The following BET1 variants were observed in gnomAD, a reference collection of about 807,000 sequenced individuals.
BET1 encodes BET1 homolog.
BET1 carries 9 observed loss-of-function variants against 13.9 expected under a neutral mutation model. That is an observed-to-expected ratio of 0.65 (90% CI 0.39 to 1.13). The LOEUF (loss-of-function observed/expected upper bound fraction) is 1.13, where lower values mean the gene tolerates loss of function less well. Among genes scored for constraint, BET1 ranks in the 50% most tolerant of loss-of-function variants. The pLI, the probability that BET1 is intolerant of heterozygous loss-of-function variation, is 0.01. For missense variants in BET1, 127 were observed against 133.6 expected, an observed-to-expected ratio of 0.95 and a Z score of 0.24; for synonymous variants, 39 against 47.3, an observed-to-expected ratio of 0.82 and a Z score of 0.72.
rs1226283124 is a variant in BET1, at chr7:93,996,297, C to G, written c.169G>C (p.Val57Leu). The change falls in exon 3 of 4, where the codon GTT becomes CTT. Residue 57 changes from valine to leucine, a missense_variant. By Grantham distance (32) the Val-to-Leu change is conservative. Coordinates refer to ENST00000222547, the MANE Select transcript of BET1 (RefSeq NM_005868.6). Reference sequence around the variant, plus strand: ...GCTAATAATTTATTCTGGGTTTTAACTTCATGGCCTATTTCAATGGAAAGC... The same window carrying G: ...GCTAATAATTTATTCTGGGTTTTAAGTTCATGGCCTATTTCAATGGAAAGC... ...KSLSIEIGHE[V>L]KTQNKLLAEM... is the part of the protein sequence containing the mutation. The G allele has an allele frequency of 1.1e-5, 17 of 1,578,934 alleles. No homozygotes were observed. The highest frequency in any genetic ancestry group is 1.5e-5 in the Non-Finnish European group (17 of 1,160,356).
chr7:93,986,048 A>G (rs1256079507), intron 4 of BET1, among the ~76,000 whole-genome samples: 1 of 152,146 alleles, frequency 6.6e-6, no homozygotes, highest in African/African-American at 2.4e-5. Flanking sequence ...TTATCGTCTC[A>G]GCTAAAGTTA....
intron 1 of BET1, among the ~76,000 whole-genome samples, chr7:94,003,725 A>G (rs1348414361): frequency 6.6e-6 from 1 of 152,130 alleles, no homozygotes; most frequent in African/African-American, 2.4e-5. Context: ...AACAATAATG[A>G]CACATACATT....
Position 93,971,822 on chromosome 7 carries a change from T to G in BET1, c.*137+753A>C, listed in dbSNP as rs544144737. 2.0e-5 allele frequency among the ~76,000 whole-genome samples: 3 copies of G among 151,860 alleles called. No homozygotes were observed. In the East Asian group the frequency reaches 5.8e-4, roughly 29 times the overall value. On this transcript the variant is annotated intron_variant and NMD_transcript_variant, in intron 6 of 6. Coordinates refer to the BET1 transcript ENST00000357520. ...CTAATGAGATTTAACTAAGAAAGTT[T>G]AAATTATATGGTAACTTTCCATGAA...
Position 93,999,217 on chromosome 7 carries a change from C to A in BET1, c.97G>T (p.Glu33Ter). The change falls in exon 2 of 4, where the codon GAG becomes TAG. Residue 33 changes from glutamate (E) to a stop codon, truncating the protein, a stop_gained. Transcript: ENST00000222547. LOFTEE classifies it high-confidence loss of function. ...SGYSACEEENERLTESLRSKV... is the reference protein window; with the variant it reads ...SGYSACEEEN ...CTTCTCAGACTTTCAGTGAGCCTCT[C>A]ATTTTCTTCTTCACAGGCACTATAC... The A allele has an allele frequency of 6.2e-7, 1 of 1,613,422 alleles. No homozygotes were observed. The highest frequency in any genetic ancestry group is 8.5e-7 in the Non-Finnish European group (1 of 1,179,558).
At chr7:93,972,938 ACAGCC>A (rs1795281201) in intron 5 of BET1, among the ~76,000 whole-genome samples, 1 of 151,656 alleles carries the variant, frequency 6.6e-6, no homozygotes, top group East Asian at 1.9e-4. Flanking sequence ...CTACTGCAAG[ACAGCC>A]TTATCTTCTG....
chr7:93,973,206 G>C (rs1424452100), intron 5 of BET1, among the ~76,000 whole-genome samples: 2 of 151,900 alleles, frequency 1.3e-5, no homozygotes, highest in Admixed American at 1.3e-4. Context: ...CTTCACATGT[G>C]GGATGAAAGA....
downstream of BET1, chr7:93,992,787 T>C (rs958774092): frequency 1.1e-6 from 1 of 905,256 alleles, no homozygotes; most frequent in Admixed American, 6.2e-5. Context: ...TCCTATGAAA[T>C]AGATGGTGTA....
chr7:93,981,206 A>G (rs892948140), intron 4 of BET1, among the ~76,000 whole-genome samples: 6 of 152,062 alleles, frequency 3.9e-5, no homozygotes, highest in African/African-American at 1.2e-4. Flanking sequence ...ACAGTGACCA[A>G]CTCTTCCTGG....
At chr7:93,992,279 A>G (rs1394288833), downstream of BET1, 1 of 985,144 alleles carries the variant, frequency 1.0e-6, no homozygotes, top group Non-Finnish European at 1.2e-6. Context: ...TGAAATCTCT[A>G]TCTGCTTGAT....
chr7:93,979,151 G>C (rs2116059896), intron 4 of BET1, among the ~76,000 whole-genome samples: 1 of 152,250 alleles, frequency 6.6e-6, no homozygotes, highest in Non-Finnish European at 1.5e-5. Context: ...TGGCTTTCAG[G>C]AAGACAGGAA....
At chr7:93,976,015 T>G in exon 5 of BET1, 1 of 1,281,356 alleles carries the variant, frequency 7.8e-7, no homozygotes, top group South Asian at 1.3e-5. Context: ...TTTTTAAGCT[T>G]CTGGACAAAT....
At chr7:93,999,098 AATAT>A in intron 2 of BET1, 68 bp downstream of exon 2, 1 of 1,210,668 alleles carries the variant, frequency 8.3e-7, no homozygotes, top group Non-Finnish European at 1.1e-6. Flanking sequence ...CGTCAATAAG[AATAT>A]ATAGTTTATA....
At chr7:93,999,137 T>A (rs1420203604) in intron 2 of BET1, 33 bp downstream of exon 2, 1 of 1,478,472 alleles carries the variant, frequency 6.8e-7, no homozygotes. Context: ...AATATATGAA[T>A]TAAAACACAT....
At chr7:93,992,460 C>A (rs1398165261), downstream of BET1, 4 of 985,076 alleles carry the variant, frequency 4.1e-6, no homozygotes, top group South Asian at 9.4e-5. Context: ...TTTTCTTTGG[C>A]CTTCTGCTCT....
intron 6 of BET1, among the ~76,000 whole-genome samples, chr7:93,970,325 T>C (rs528387728): frequency 2.0e-5 from 3 of 151,930 alleles, no homozygotes; most frequent in African/African-American, 7.2e-5. Flanking sequence ...AAGTATCTCC[T>C]CTTGTCTGGG....
intron 4 of BET1, among the ~76,000 whole-genome samples, chr7:93,983,916 A>C (rs1475958914): frequency 6.6e-6 from 1 of 152,068 alleles, no homozygotes; most frequent in Admixed American, 6.6e-5. Context: ...GTGCATCTGG[A>C]TTTTCATCCC....
At chr7:93,978,598 C>T (rs1795377357) in intron 4 of BET1, among the ~76,000 whole-genome samples, 1 of 152,086 alleles carries the variant, frequency 6.6e-6, no homozygotes, top group South Asian at 2.1e-4. Flanking sequence ...CATATGCTTC[C>T]TTTTTCTATT....
chr7:93,984,384 T>C (rs1024432137), intron 4 of BET1, among the ~76,000 whole-genome samples: 2 of 152,182 alleles, frequency 1.3e-5, no homozygotes, highest in African/African-American at 2.4e-5. Flanking sequence ...TTAGGAACTA[T>C]TATTCAACTC....
rs1795691696 is a variant in BET1 at position 93,993,778 on chromosome 7, T to C, written c.*452A>G. The C allele has an allele frequency of 6.7e-7, 1 of 1,500,092 alleles. No homozygotes were observed. The highest frequency in any genetic ancestry group is 1.4e-5 in the African/African-American group (1 of 71,548). 92.9% of individuals were successfully genotyped at this position (1,500,092 alleles called of 1,614,324 possible). A position where few individuals can be genotyped will look rare whatever the true frequency, so the allele number is the denominator to read the frequency against. On this transcript the variant is annotated 3_prime_UTR_variant, in exon 4 of 4. Coordinates refer to ENST00000222547, the MANE Select transcript of BET1 (RefSeq NM_005868.6). ...TAAAGGAGGAGAAGGGAGTATATCA[T>C]TACAGTTGATGCAGTTAGGAAAATT...
Sources: allele counts gnomAD v4.1 joint callset (sites outside exome capture counted in the v4.1 genomes callset), GRCh38; gene constraint gnomAD v4.1.1; transcripts MANE v1.5; gene names NCBI Gene and HGNC (gene_info 2026-07-23, HGNC 2026-07-21).